Variants in ACKR2 observed in about 807,000 individuals in gnomAD.
ACKR2 encodes atypical chemokine receptor 2.
For missense variants in ACKR2, 457 were observed against 477.3 expected, an observed-to-expected ratio of 0.96 and a Z score of 0.40; for synonymous variants, 207 against 192.2, an observed-to-expected ratio of 1.08 and a Z score of -0.64.
rs201420896 is a variant in ACKR2, at chr3:42,810,604, T to TA, written c.-119+1080dup. ...TTTTCTTTTACATGCTCACCCTATC[T>TA]AAAAAAAATCGAATGTTTAGCCAAC... On this transcript the variant is annotated intron_variant, in intron 1 of 2. Coordinates refer to ENST00000422265, the MANE Select transcript of ACKR2 (RefSeq NM_001296.5). Among the ~76,000 whole-genome samples, 153 of 151,986 alleles carry TA rather than the reference T, an allele frequency of 1.0e-3. 2 individuals carry two copies. The highest frequency in any genetic ancestry group is 2.8e-4 in the Non-Finnish European group (19 of 67,952).
chr3:42,831,417 A>G (rs932588093), intron 2 of ACKR2, among the ~76,000 whole-genome samples: 3 of 152,232 alleles, frequency 2.0e-5, no homozygotes, highest in African/African-American at 7.2e-5. Context: ...GCCAGCTGGC[A>G]TGATGCTAAA....
intron 1 of ACKR2, among the ~76,000 whole-genome samples, chr3:42,816,281 A>G (rs1484108132): frequency 6.6e-6 from 1 of 151,802 alleles, no homozygotes; most frequent in Non-Finnish European, 1.5e-5. Context: ...CATAAATATA[A>G]GATGCTCACC....
intron 1 of ACKR2, among the ~76,000 whole-genome samples, chr3:42,817,965 A>G (rs1314106239): frequency 6.6e-6 from 1 of 152,118 alleles, no homozygotes; most frequent in African/African-American, 2.4e-5. Context: ...GGTGTGCTCT[A>G]GGGTTCTGTG....
intron 1 of ACKR2, among the ~76,000 whole-genome samples, chr3:42,813,176 A>G (rs1018237448): frequency 1.8e-4 from 28 of 152,222 alleles, no homozygotes; most frequent in African/African-American, 6.5e-4. Context: ...TAATTTGCAA[A>G]TAAGAATTAG....
intron 2 of ACKR2, among the ~76,000 whole-genome samples, chr3:42,828,093 T>TATATATATA (rs1553699769): frequency 1.3e-3 from 94 of 70,526 alleles, no homozygotes; most frequent in East Asian, 5.2e-3. Context: ...TATATATATA[T>TATATATATA]TTTTTTTTTT....
chr3:42,828,366 CT>C (rs1700894709), intron 2 of ACKR2, among the ~76,000 whole-genome samples: 1 of 152,086 alleles, frequency 6.6e-6, no homozygotes. Context: ...CTGCCTTGGC[CT>C]CCCAAAGTGT....
At chr3:42,812,802 T>A (rs904840436) in intron 1 of ACKR2, among the ~76,000 whole-genome samples, 1 of 150,504 alleles carries the variant, frequency 6.6e-6, no homozygotes, top group African/African-American at 2.4e-5. Flanking sequence ...TCCTCTTGCC[T>A]CAGCCTCCTG....
intron 2 of ACKR2, among the ~76,000 whole-genome samples, chr3:42,820,925 C>A (rs1700804558): frequency 6.6e-6 from 1 of 151,204 alleles, no homozygotes; most frequent in Non-Finnish European, 1.5e-5. Context: ...CACACTGTTG[C>A]CTGGGCTAAA....
intron 1 of ACKR2, among the ~76,000 whole-genome samples, chr3:42,813,464 G>A (rs1365349321): frequency 6.6e-6 from 1 of 152,214 alleles, no homozygotes; most frequent in Non-Finnish European, 1.5e-5. Flanking sequence ...TAACAATCAT[G>A]GTGGAAGATG....
chr3:42,824,842 T>G (rs1700845891), intron 2 of ACKR2, among the ~76,000 whole-genome samples: 1 of 152,218 alleles, frequency 6.6e-6, no homozygotes, highest in Non-Finnish European at 1.5e-5. Context: ...ATTTCAATTT[T>G]CTTGGGCATA....
In ACKR2 at chr3:42,840,259, CAAAAAAAAAAA is replaced by C. The variant is rs34830187; in HGVS notation, c.-38+20564_-38+20574del. The stretch of plus-strand genomic sequence containing the variant: ...TGGGCGACAGAGCGAGACTCCGTCT[CAAAAAAAAAAA>C]AAAAAAAAAAAAAAAGGAAATGAAA... On this transcript the variant is annotated intron_variant, in intron 2 of 2. Coordinates refer to ENST00000422265, the MANE Select transcript of ACKR2 (RefSeq NM_001296.5). 4.9e-4 allele frequency among the ~76,000 whole-genome samples: 17 copies of C among 34,678 alleles called. No homozygotes were observed. In the South Asian group the frequency reaches 0.015, roughly 30 times the overall value. 22.8% of individuals were successfully genotyped at this position (34,678 alleles called of 152,430 possible). A position where few individuals can be genotyped will look rare whatever the true frequency, so the allele number is the denominator to read the frequency against.
intron 1 of ACKR2, among the ~76,000 whole-genome samples, chr3:42,813,226 T>C (rs1208104512): frequency 1.3e-5 from 2 of 152,250 alleles, no homozygotes; most frequent in Non-Finnish European, 2.9e-5. Context: ...TTTTTGGGTT[T>C]GATTTTGATC....
chr3:42,851,494 G>C, intron 2 of ACKR2: 2 of 939,724 alleles, frequency 2.1e-6, no homozygotes, highest in Non-Finnish European at 2.5e-6. Context: ...GTGGGGGTGA[G>C]ACTTCCCAGG....
At chr3:42,813,283 TTG>T (rs1700714010) in intron 1 of ACKR2, among the ~76,000 whole-genome samples, 1 of 152,210 alleles carries the variant, frequency 6.6e-6, no homozygotes, top group South Asian at 2.1e-4. Flanking sequence ...ACTTAAAATC[TTG>T]GTTCAGTTTG....
At chr3:42,831,390 T>A (rs977259660) in intron 2 of ACKR2, among the ~76,000 whole-genome samples, 3 of 152,224 alleles carry the variant, frequency 2.0e-5, no homozygotes, top group Non-Finnish European at 2.9e-5. Context: ...TTTGTGACGT[T>A]AAAACATTTC....
intron 2 of ACKR2, chr3:42,850,961 G>A (rs985364896): frequency 1.3e-5 from 2 of 152,384 alleles, no homozygotes; most frequent in African/African-American, 4.8e-5. Flanking sequence ...AAGAGATTGG[G>A]TGGAGTTTAG....
chr3:42,858,891 A>G (rs1444159211), intron 2 of ACKR2, among the ~76,000 whole-genome samples: 1 of 151,954 alleles, frequency 6.6e-6, no homozygotes, highest in Non-Finnish European at 1.5e-5. Context: ...ACAAGGATCA[A>G]TAGCTGAATC....
At chr3:42,851,780 C>T (rs937824448) in intron 2 of ACKR2, among the ~76,000 whole-genome samples, 11 of 152,128 alleles carry the variant, frequency 7.2e-5, no homozygotes, top group African/African-American at 2.7e-4. Flanking sequence ...CTCAGTGTTC[C>T]CGGCTGTAAG....
At chr3:42,812,680 CTTTTTTTTTT>C (rs71616070) in intron 1 of ACKR2, among the ~76,000 whole-genome samples, 2 of 72,758 alleles carry the variant, frequency 2.7e-5, no homozygotes, top group Non-Finnish European at 4.7e-5. Context: ...AATTTTCAGC[CTTTTTTTTTT>C]TTTTTTTTTT....
Sources: gnomAD v4.1 joint callset for allele counts (sites outside exome capture counted in the v4.1 genomes callset) on GRCh38, gnomAD v4.1.1 for gene constraint, MANE v1.5 for transcripts, NCBI Gene and HGNC (gene_info 2026-07-23, HGNC 2026-07-21) for gene names.